AGBL4: variants seen among roughly 807,000 people sequenced by gnomAD.
AGBL4 encodes the protein AGBL carboxypeptidase 4, also known as cytosolic carboxypeptidase 6.
A neutral mutation model predicts 66.4 loss-of-function variants in AGBL4; 58 were observed. That is an observed-to-expected ratio of 0.87 (90% confidence interval 0.71 to 1.09). The LOEUF is 1.09. AGBL4 is among the 50% of genes least tolerant of loss of function. AGBL4 has a pLI of 0.00. For synonymous variants in AGBL4, 234 were observed against 222.9 expected (o/e 1.05, Z -0.44); for missense variants, 579 against 631.0 (o/e 0.92, Z 0.88).
At chr1:49,531,139 T>A (rs972451716) in intron 3 of AGBL4, among the ~76,000 whole-genome samples, 3 of 152,116 alleles carry the variant, frequency 2.0e-5, no homozygotes, top group Non-Finnish European at 4.4e-5. Context: ...TTTGGTATCT[T>A]TGGAGAGTGA....
intron 3 of AGBL4, among the ~76,000 whole-genome samples, chr1:49,480,009 C>T (rs895847685): frequency 2.6e-5 from 4 of 152,020 alleles, no homozygotes; most frequent in African/African-American, 7.2e-5. Context: ...GCCCGGCTCA[C>T]ATTTTCTTTA....
Position 49,937,574 on chromosome 1 carries a change from G to A in AGBL4, c.35-86056C>T, listed in dbSNP as rs555910073. ...ACCACACCACACCTATTCCAAAATT[G>A]ACCACATAGTTGGAAGTAAAGCACT... On this transcript the variant is annotated intron_variant, in intron 1 of 13. Transcript: ENST00000371839. Among the ~76,000 whole-genome samples, 7 of 152,094 alleles carry A rather than the reference G, an allele frequency of 4.6e-5. No homozygotes were observed. The East Asian group carries it at 9.7e-4, about 21-fold the overall frequency.
chr1:49,204,182 T>C (rs1239153495), intron 4 of AGBL4, among the ~76,000 whole-genome samples: 1 of 152,178 alleles, frequency 6.6e-6, no homozygotes, highest in Non-Finnish European at 1.5e-5. Flanking sequence ...TGGAGCATAA[T>C]CTAAAGAACC....
chr1:48,872,648 C>T (rs1648793096), intron 5 of AGBL4, among the ~76,000 whole-genome samples: 1 of 152,054 alleles, frequency 6.6e-6, no homozygotes, highest in East Asian at 1.9e-4. Flanking sequence ...TTACAGAAAG[C>T]ATTAAAAACA....
chr1:50,017,731 T>A (rs1662099443), intron 1 of AGBL4, among the ~76,000 whole-genome samples: 1 of 152,030 alleles, frequency 6.6e-6, no homozygotes, highest in South Asian at 2.1e-4. Context: ...AAGACCTGCT[T>A]TAGGGTAGAG....
intron 6 of AGBL4, among the ~76,000 whole-genome samples, chr1:48,816,086 TGTGTGTAGAGAGAA>T (rs1646169881): frequency 3.4e-5 from 4 of 116,056 alleles, no homozygotes; most frequent in Admixed American, 8.4e-5. Flanking sequence ...TGTGTGTGTG[TGTGTGTAGAGAGAA>T]AGAGAGAGAG....
intron 9 of AGBL4, among the ~76,000 whole-genome samples, chr1:48,620,070 A>G (rs916680796): frequency 6.6e-6 from 1 of 152,196 alleles, no homozygotes. Flanking sequence ...GTTAAACCGT[A>G]AAATCCACTC....
intron 3 of AGBL4, among the ~76,000 whole-genome samples, chr1:49,594,185 A>T (rs982089462): frequency 1.3e-5 from 2 of 152,080 alleles, no homozygotes; most frequent in Non-Finnish European, 2.9e-5. Context: ...CACAGTTCAA[A>T]CCTGTGTTGT....
intron 1 of AGBL4, among the ~76,000 whole-genome samples, chr1:49,937,514 C>A (rs1469489945): frequency 6.6e-6 from 1 of 152,088 alleles, no homozygotes; most frequent in Non-Finnish European, 1.5e-5. Context: ...CAGAACTCTC[C>A]ACCCCAAATC....
chr1:48,644,526 G>T lies in AGBL4; in HGVS notation c.839+8811C>A, dbSNP rs551259854. On this transcript the variant is annotated intron_variant, in intron 8 of 13. Transcript: ENST00000371839. Reference sequence around the variant, plus strand: ...CAAAGTATGCGCTTGGGGATGGGTTGGTGACTTGGGAGGGCAGGAGAGGGA... The same window carrying T: ...CAAAGTATGCGCTTGGGGATGGGTTTGTGACTTGGGAGGGCAGGAGAGGGA... Among the ~76,000 whole-genome samples, 22 of 152,256 alleles carry T rather than the reference G, an allele frequency of 1.4e-4. No homozygotes were observed. In the South Asian group the frequency reaches 4.4e-3, roughly 30 times the overall value.
chr1:48,632,556 C>G (rs1645609798), intron 9 of AGBL4, among the ~76,000 whole-genome samples: 1 of 152,192 alleles, frequency 6.6e-6, no homozygotes, highest in South Asian at 2.1e-4. Context: ...ATGGTTTCCA[C>G]TCTGTCACTC....
Position 48,606,376 on chromosome 1 carries a change from T to C in AGBL4, c.952-15391A>G, listed in dbSNP as rs142679719. 3.5e-3 allele frequency among the ~76,000 whole-genome samples: 526 copies of C among 152,282 alleles called. 6 individuals are homozygous for C. Among genetic ancestry groups the C allele is most frequent in the African/African-American group, 0.012 (506 of 41,556 alleles). On this transcript the variant is annotated intron_variant, in intron 9 of 13. Coordinates refer to ENST00000371839, the MANE Select transcript of AGBL4 (RefSeq NM_032785.4). Reference sequence around the variant, plus strand: ...AATTCCTGTCTCTTAGTTGACTTCATGGCATTTTAGGAAAACAGAGGCAGT... The same window carrying C: ...AATTCCTGTCTCTTAGTTGACTTCACGGCATTTTAGGAAAACAGAGGCAGT...
intron 11 of AGBL4, among the ~76,000 whole-genome samples, chr1:48,552,767 G>A (rs1309803682): frequency 6.6e-6 from 1 of 152,092 alleles, no homozygotes; most frequent in African/African-American, 2.4e-5. Context: ...AGAGAGGTGG[G>A]CAGGATCTTG....
chr1:49,295,631 C>T (rs1207379347), intron 3 of AGBL4, among the ~76,000 whole-genome samples: 2 of 152,222 alleles, frequency 1.3e-5, no homozygotes, highest in South Asian at 2.1e-4. Flanking sequence ...AGAGCCCAGA[C>T]TTCCTAATTT....
chr1:49,760,913 C>T (rs1197492327), intron 2 of AGBL4, among the ~76,000 whole-genome samples: 5 of 152,068 alleles, frequency 3.3e-5, no homozygotes, highest in African/African-American at 1.2e-4. Flanking sequence ...AGCAAATCAA[C>T]ACAGAAACAG....
intron 1 of AGBL4, among the ~76,000 whole-genome samples, chr1:50,006,580 A>C (rs984936089): frequency 1.3e-5 from 2 of 152,038 alleles, no homozygotes; most frequent in African/African-American, 4.8e-5. Flanking sequence ...AATAACATAC[A>C]ATGGAGCTCC....
At chr1:49,654,439 T>A (rs1355724970) in intron 3 of AGBL4, among the ~76,000 whole-genome samples, 1 of 152,186 alleles carries the variant, frequency 6.6e-6, no homozygotes, top group Non-Finnish European at 1.5e-5. Context: ...GTCTATTAGG[T>A]CTGCTTGGTG....
chr1:49,081,518 C>T (rs193252922), intron 4 of AGBL4, among the ~76,000 whole-genome samples: 187 of 152,302 alleles, frequency 1.2e-3, no homozygotes, highest in Non-Finnish European at 2.6e-4. Flanking sequence ...AATGTCTGTT[C>T]ATTTTTATTC....
intron 2 of AGBL4, among the ~76,000 whole-genome samples, chr1:49,819,698 T>A (rs1645319137): frequency 1.3e-5 from 2 of 152,204 alleles, no homozygotes; most frequent in South Asian, 4.1e-4. Context: ...TTTCCCTGCC[T>A]CCCACCCACA....
Sources: gnomAD v4.1 joint callset for allele counts (sites outside exome capture counted in the v4.1 genomes callset) on GRCh38, gnomAD v4.1.1 for gene constraint, MANE v1.5 for transcripts, NCBI Gene and HGNC (gene_info 2026-07-23, HGNC 2026-07-21) for gene names.